Variants in TSPAN1 observed in about 807,000 individuals in gnomAD.
TSPAN1 encodes tetraspanin-1.
Under a neutral mutation model 26.9 loss-of-function variants are expected in TSPAN1, and 23 were observed. The ratio of observed to expected loss-of-function variants is 0.85; its 90% CI spans 0.62 to 1.21. The LOEUF is 1.21. Ranked by LOEUF, TSPAN1 falls within the 50% of genes most tolerant of loss-of-function variation. TSPAN1 has a pLI of 0.00. For synonymous variants in TSPAN1, 115 were observed against 114.8 expected, an observed-to-expected ratio of 1.00 and a Z score of -0.01; for missense variants, 283 against 298.4, an observed-to-expected ratio of 0.95 and a Z score of 0.38.
intron 2 of TSPAN1, 30 bp from the exon 3 acceptor site, chr1:46,181,070 G>C: frequency 6.2e-7 from 1 of 1,609,672 alleles, no homozygotes; most frequent in Non-Finnish European, 8.5e-7. Context: ...GGGGAAACAA[G>C]GCCCTAACTT....
At chr1:46,190,525 G>A (rs535331969), downstream of TSPAN1, 36 of 1,602,736 alleles carry the variant, frequency 2.2e-5, no homozygotes, top group East Asian at 7.6e-4. Flanking sequence ...AGACTGAAGA[G>A]GAGGGAGAAA....
At chr1:46,193,193 G>C in the TSPAN1 span, 1 of 1,614,224 alleles carries the variant, frequency 6.2e-7, no homozygotes, top group Non-Finnish European at 8.5e-7. Context: ...GTTGAAAGTG[G>C]CAGTGAGGCT....
downstream of TSPAN1, chr1:46,190,457 T>C (rs1283340700): frequency 1.3e-6 from 2 of 1,576,312 alleles, no homozygotes; most frequent in Non-Finnish European, 8.7e-7. Context: ...TACACCCCAA[T>C]TGTCCTAGGC....
the TSPAN1 span, chr1:46,195,951 T>C: frequency 6.2e-7 from 1 of 1,614,106 alleles, no homozygotes. Context: ...TTCTGGTGAG[T>C]TGGTGTCATC....
the TSPAN1 span, chr1:46,194,630 T>A: frequency 6.2e-7 from 1 of 1,614,196 alleles, no homozygotes; most frequent in Non-Finnish European, 8.5e-7. Flanking sequence ...TGATTTAGAA[T>A]GTTTCTCCCC....
At chr1:46,193,868 T>G in the TSPAN1 span, 4 of 1,614,100 alleles carry the variant, frequency 2.5e-6, no homozygotes, top group Admixed American at 6.7e-5. Context: ...TACAGGTAAT[T>G]GGGTCGGTTC....
chr1:46,187,893 A>C (rs1197216896), downstream of TSPAN1, among the ~76,000 whole-genome samples: 1 of 152,182 alleles, frequency 6.6e-6, no homozygotes, highest in Non-Finnish European at 1.5e-5. Context: ...AGCAGGCAGG[A>C]GGGCTGGAGT....
At chr1:46,195,044 C>T in the TSPAN1 span, 13 of 1,233,130 alleles carry the variant, frequency 1.1e-5, no homozygotes, top group East Asian at 2.1e-4. Context: ...ATGTAGCAAC[C>T]TTTTACTTAA....
chr1:46,194,296 G>T, the TSPAN1 span: 8 of 1,614,162 alleles, frequency 5.0e-6, no homozygotes, highest in East Asian at 1.6e-4. Context: ...GAACTCGATG[G>T]GTGTGGGGTC....
intron 3 of TSPAN1, chr1:46,183,563 G>C (rs539397995): frequency 1.8e-5 from 3 of 163,292 alleles, no homozygotes; most frequent in African/African-American, 7.2e-5. Flanking sequence ...CAGCCTTTAA[G>C]AGAAGCTCTG....
intron 1 of TSPAN1, 110 bp from the exon 2 acceptor site, chr1:46,180,416 A>C (rs2148139607): frequency 6.6e-6 from 1 of 152,598 alleles, no homozygotes; most frequent in African/African-American, 2.4e-5. Context: ...GGTTGTGGGG[A>C]TCGGTCTCCA....
At chr1:46,182,304 C>CCAAAAAAAAAAAAAAAAAAAAAAAAA (rs1657329897) in intron 3 of TSPAN1, among the ~76,000 whole-genome samples, 1 of 30,162 alleles carries the variant, frequency 3.3e-5, no homozygotes, top group African/African-American at 9.9e-5. Context: ...TAGGGATAAG[C>CCAAAAAAAAAAAAAAAAAAAAAAAAA]AAAAAAAAAA....
the TSPAN1 span, chr1:46,191,914 G>A: frequency 2.6e-5 from 25 of 954,058 alleles, no homozygotes; most frequent in African/African-American, 2.1e-4. Flanking sequence ...GATTACAGGC[G>A]TGAGCCACCG....
chr1:46,194,368 T>A, the TSPAN1 span: 3 of 1,614,048 alleles, frequency 1.9e-6, no homozygotes, highest in Non-Finnish European at 1.7e-6. Flanking sequence ...GCGGCGACGG[T>A]TCAGCTCTGT....
chr1:46,185,458 T>G (rs1657409624), intron 8 of TSPAN1, 28 bp from the exon 9 acceptor site: 3 of 1,614,006 alleles, frequency 1.9e-6, no homozygotes, highest in Middle Eastern at 3.3e-4. Flanking sequence ...TCATGTTCCC[T>G]CATCTCTCCC....
At chr1:46,177,328 T>C (rs145025626) in intron 1 of TSPAN1, among the ~76,000 whole-genome samples, 24 of 140,886 alleles carry the variant, frequency 1.7e-4, no homozygotes, top group African/African-American at 6.4e-4. Flanking sequence ...AGAGTGAAAC[T>C]CTGTCTCAAA....
rs71062743 is a variant in TSPAN1 at position 46,182,304 on chromosome 1, C to CA, written c.57+1153dup. 1.1e-3 allele frequency among the ~76,000 whole-genome samples: 34 copies of CA among 30,166 alleles called. 10 individuals carry two copies. The highest frequency in any genetic ancestry group is 2.2e-3 in the African/African-American group (22 of 10,154). The allele number at this position is 30,166 out of a possible 152,430, so 19.8% of individuals were successfully genotyped here. A position where few individuals can be genotyped will look rare whatever the true frequency, so the allele number is the denominator to read the frequency against. ...GGAAACCCAATTTATTAGGGATAAG[C>CA]AAAAAAAAAAAAAGCCACTGTGAAG... On this transcript the variant is annotated intron_variant, in intron 3 of 8. Coordinates refer to ENST00000372003, the MANE Select transcript of TSPAN1 (RefSeq NM_005727.4).
chr1:46,176,837 T>TTA (rs1657185403), intron 1 of TSPAN1, among the ~76,000 whole-genome samples: 2 of 152,240 alleles, frequency 1.3e-5, no homozygotes, highest in Non-Finnish European at 2.9e-5. Context: ...CTCAGCTACT[T>TTA]TACAAGGATA....
At chr1:46,188,818 A>G (rs1410624417), downstream of TSPAN1, 1 of 1,612,924 alleles carries the variant, frequency 6.2e-7, no homozygotes, top group East Asian at 2.2e-5. Context: ...TGTGGGCCCC[A>G]GCTGGGCCTG....
Sources: allele counts gnomAD v4.1 joint callset (sites outside exome capture counted in the v4.1 genomes callset), GRCh38; gene constraint gnomAD v4.1.1; transcripts MANE v1.5; gene names NCBI Gene and HGNC (gene_info 2026-07-23, HGNC 2026-07-21).